The following HTT variants were observed in gnomAD, a reference collection of about 807,000 sequenced individuals.
The protein encoded by HTT is huntingtin.
In HTT, 104 loss-of-function variants were observed where a neutral mutation model predicts 362.3. That is an observed-to-expected ratio of 0.29 (90% CI 0.24 to 0.34). The LOEUF is 0.34. Among genes scored for constraint, HTT ranks in the 10% least tolerant of loss-of-function variants. The pLI, the probability that HTT is intolerant of heterozygous loss-of-function variation, is 1.00. For missense variants in HTT, 3,301 were observed against 3,928.6 expected (o/e 0.84, Z 4.27); for synonymous variants, 1,577 against 1,548.7 (o/e 1.02, Z -0.43).
At chr4:3,131,036 C>T (rs1430357013) in intron 14 of HTT, among the ~76,000 whole-genome samples, 1 of 151,988 alleles carries the variant, frequency 6.6e-6, no homozygotes, top group Admixed American at 6.6e-5. Context: ...TTACCACGCC[C>T]ACCCTCCCTG....
intron 40 of HTT, among the ~76,000 whole-genome samples, chr4:3,192,642 G>C (rs543633444): frequency 1.4e-3 from 220 of 152,338 alleles, no homozygotes; most frequent in Middle Eastern, 3.4e-3. Flanking sequence ...ATGGTCTGCT[G>C]CAAGGGATAG....
At chr4:3,184,067 C>A (rs903122839) in intron 37 of HTT, among the ~76,000 whole-genome samples, 2 of 151,692 alleles carry the variant, frequency 1.3e-5, no homozygotes, top group African/African-American at 4.8e-5. Context: ...TGATCAGGAA[C>A]ACCGTACAGA....
chr4:3,120,352 T>C (rs536887496), intron 8 of HTT, among the ~76,000 whole-genome samples: 1 of 152,348 alleles, frequency 6.6e-6, no homozygotes, highest in East Asian at 1.9e-4. Context: ...CCTTGTATTT[T>C]ATCTGGCAAC....
intron 42 of HTT, among the ~76,000 whole-genome samples, chr4:3,205,595 A>G (rs999154613): frequency 5.2e-4 from 79 of 152,346 alleles, no homozygotes; most frequent in African/African-American, 1.8e-3. Context: ...TCTGAAATCC[A>G]AAATGCTCCA....
Position 3,074,929 on chromosome 4 carries a change from AGC to A in HTT, c.105_106del (p.Gln36AlafsTer46), listed in dbSNP as rs1712407209. ...CAGCAGCAGCAGCAGCAGCAGCAGC[AGC>A]AGCAACAGCCGCCACCGCCGCCGCC... On this transcript the variant is annotated frameshift_variant, in exon 1 of 67. Transcript: ENST00000355072. LOFTEE classifies it high-confidence loss of function. 9.2e-6 allele frequency: 13 copies of A among 1,418,850 alleles called. No individual in the cohort carries two copies. The East Asian group carries it at 1.4e-4, about 15-fold the overall frequency. The allele number at this position is 1,418,850 out of a possible 1,614,324, so 87.9% of individuals were successfully genotyped here.
rs1016637337 is a variant in HTT, at chr4:3,180,707, G to C, written c.4749+56G>C. On this transcript the variant is annotated intron_variant, in intron 36 of 66. Transcript: ENST00000355072. ...GATACTTTATTGACCCGTGCAGATG[G>C]AAGGAAGTGCCATGTGGTAACGCTC... is the stretch of plus-strand genomic sequence containing the variant. 34 of 1,482,644 alleles carry C rather than the reference G, an allele frequency of 2.3e-5. 1 individual carries two copies. Among genetic ancestry groups the C allele is most frequent in the Non-Finnish European group, 2.9e-5 (32 of 1,102,116 alleles). The allele number at this position is 1,482,644 out of a possible 1,614,324, so 91.8% of individuals were successfully genotyped here.
At chr4:3,221,336 G>A (rs1457644348) in intron 53 of HTT, among the ~76,000 whole-genome samples, 2 of 152,176 alleles carry the variant, frequency 1.3e-5, no homozygotes, top group Non-Finnish European at 2.9e-5. Flanking sequence ...GTGAGGATCG[G>A]TATCAGTGGC....
intron 56 of HTT, 98 bp from the exon 57 acceptor site, chr4:3,225,563 G>A (rs955967674): frequency 8.4e-6 from 9 of 1,070,512 alleles, no homozygotes; most frequent in Non-Finnish European, 1.1e-5. Flanking sequence ...GTGGCTCACG[G>A]CTGGGTGCCT....
At position 3,242,465 on chromosome 4, in the gene HTT, A is replaced by G. The variant is rs1721851085; in HGVS notation, c.*2406A>G. 1 of 152,184 alleles carries G rather than the reference A, an allele frequency of 6.6e-6. No homozygotes were observed. The highest frequency in any genetic ancestry group is 2.4e-5 in the African/African-American group (1 of 41,438). The allele number at this position is 152,184 out of a possible 1,614,324, so 9.4% of individuals were successfully genotyped here. A position where few individuals can be genotyped will look rare whatever the true frequency, so the allele number is the denominator to read the frequency against. On this transcript the variant is annotated 3_prime_UTR_variant, in exon 67 of 67. Transcript: ENST00000355072. Reference sequence around the variant, plus strand: ...CTCAAGACGGAGATGCATGGCCTCTAAGAGTGCCCGTGTCGGTTCTTCCTG... The same window carrying G: ...CTCAAGACGGAGATGCATGGCCTCTGAGAGTGCCCGTGTCGGTTCTTCCTG...
chr4:3,177,389 TA>T lies in HTT; in HGVS notation c.4463+4del. 6.4e-7 allele frequency: 1 copy of T among 1,569,764 alleles called. No homozygotes were observed. Among genetic ancestry groups the T allele is most frequent in the Non-Finnish European group, 8.6e-7 (1 of 1,156,522 alleles). On this transcript the variant is annotated splice_donor_region_variant and intron_variant, in intron 34 of 66. Coordinates refer to ENST00000355072, the MANE Select transcript of HTT (RefSeq NM_001388492.1). ...ATACATTGAAGTGGGCCAGTTCAGG[TA>T]ATAGCATTTTATTATTTTAGATTTT...
intron 6 of HTT, among the ~76,000 whole-genome samples, chr4:3,111,454 A>T (rs1035854195): frequency 6.6e-6 from 1 of 152,170 alleles, no homozygotes; most frequent in Non-Finnish European, 1.5e-5. Flanking sequence ...TTGGCCTCCG[A>T]AAGTGCCGGG....
intron 29 of HTT, among the ~76,000 whole-genome samples, chr4:3,171,209 G>A (rs1274981892): frequency 1.3e-5 from 2 of 152,160 alleles, no homozygotes; most frequent in African/African-American, 4.8e-5. Context: ...TATACTTTGA[G>A]CATATCAGAA....
At chr4:3,171,728 C>T (rs751161878) in intron 29 of HTT, among the ~76,000 whole-genome samples, 2 of 152,278 alleles carry the variant, frequency 1.3e-5, no homozygotes, top group Middle Eastern at 3.4e-3. Flanking sequence ...GCACCTGCCT[C>T]GATCTCCCAA....
At chr4:3,166,360 C>G (rs534333921) in intron 29 of HTT, among the ~76,000 whole-genome samples, 96 of 152,334 alleles carry the variant, frequency 6.3e-4, no homozygotes, top group Middle Eastern at 6.8e-3. Context: ...GTCTCCCAGT[C>G]AGGCTACATG....
intron 41 of HTT, 127 bp downstream of exon 41, chr4:3,200,066 T>C: frequency 1.4e-6 from 1 of 717,696 alleles, no homozygotes; most frequent in Non-Finnish European, 2.3e-6. Flanking sequence ...GCTTGTGAAA[T>C]TTCTGCTGCA....
At chr4:3,106,732 GT>G (rs1383433511) in intron 5 of HTT, among the ~76,000 whole-genome samples, 3 of 151,934 alleles carry the variant, frequency 2.0e-5, no homozygotes, top group African/African-American at 7.3e-5. Flanking sequence ...CCTTAGGGAG[GT>G]TTCCCCAGCC....
At chr4:3,176,838 C>G (rs1241141930) in intron 33 of HTT, among the ~76,000 whole-genome samples, 1 of 152,206 alleles carries the variant, frequency 6.6e-6, no homozygotes, top group Non-Finnish European at 1.5e-5. Flanking sequence ...GCCATATGCT[C>G]CATGCTTTAT....
chr4:3,171,116 G>C (rs1266809133), intron 29 of HTT, among the ~76,000 whole-genome samples: 1 of 152,176 alleles, frequency 6.6e-6, no homozygotes, highest in Non-Finnish European at 1.5e-5. Context: ...AACATGTATT[G>C]GGTATCTGCT....
intron 25 of HTT, among the ~76,000 whole-genome samples, chr4:3,147,295 A>G (rs1716652333): frequency 6.6e-6 from 1 of 152,158 alleles, no homozygotes; most frequent in African/African-American, 2.4e-5. Context: ...AGTTAGTTTT[A>G]GATTAGAGGG....
Sources: gnomAD v4.1 joint callset for allele counts (sites outside exome capture counted in the v4.1 genomes callset) on GRCh38, gnomAD v4.1.1 for gene constraint, MANE v1.5 for transcripts, NCBI Gene and HGNC (gene_info 2026-07-23, HGNC 2026-07-21) for gene names.